Variants in PKHD1L1 observed in about 807,000 individuals in gnomAD.
The protein encoded by PKHD1L1 is fibrocystin-L.
Under a neutral mutation model 462.9 loss-of-function variants are expected in PKHD1L1, and 434 were observed. That is an observed-to-expected ratio of 0.94 (90% CI 0.87 to 1.02). The LOEUF (loss-of-function observed/expected upper bound fraction) is 1.02. Ranked by LOEUF, PKHD1L1 falls within the 50% of genes least tolerant of loss-of-function variation. PKHD1L1 has a pLI of 0.00. For synonymous variants in PKHD1L1, 1,781 were observed against 1,750.0 expected (o/e 1.02, Z -0.44); for missense variants, 5,202 against 5,096.1 (o/e 1.02, Z -0.63).
rs977739875 is a variant in PKHD1L1, at chr8:109,365,849, C to T, written c.163+1213C>T. On this transcript the variant is annotated intron_variant, in intron 2 of 77. Transcript: ENST00000378402. ...ATTAGCTGGGCATGGTGGCGCGCGC[C>T]TGTAGTCTCAGCTACCCAGGAGCCT... is the stretch of plus-strand genomic sequence containing the variant. Among the ~76,000 whole-genome samples, 3 of 152,288 alleles carry T rather than the reference C, an allele frequency of 2.0e-5. No individual in the cohort carries two copies. The South Asian group carries it at 6.2e-4, about 32-fold the overall frequency.
chr8:109,375,901 G>C (rs1179848605), intron 2 of PKHD1L1, among the ~76,000 whole-genome samples: 3 of 152,220 alleles, frequency 2.0e-5, no homozygotes, highest in African/African-American at 7.2e-5. Context: ...TGAGGTGTCA[G>C]TCCGCCCCTA....
rs763275975 is a variant in PKHD1L1, at chr8:109,371,684, G to C, written c.163+7048G>C. Among the ~76,000 whole-genome samples the C allele has an allele frequency of 9.5e-4, 119 of 125,738 alleles. 9 individuals carry two copies. In the Admixed American group the frequency reaches 1.0e-2, roughly 11 times the overall value. The allele number at this position is 125,738 out of a possible 152,430, so 82.5% of individuals were successfully genotyped here. On this transcript the variant is annotated intron_variant, in intron 2 of 77. Transcript: ENST00000378402. ...TCCATCTTGAATTAATTTTTGATAA[G>C]GTGTAAGGAAGGGATCCAGTTTCAG...
At chr8:109,523,202 T>A in intron 75 of PKHD1L1, 31 bp from the exon 76 acceptor site, 4 of 1,536,086 alleles carry the variant, frequency 2.6e-6, no homozygotes, top group Non-Finnish European at 3.5e-6. Context: ...AGGACAATTG[T>A]TATAATTATC....
Position 109,375,321 on chromosome 8 carries a change from G to A in PKHD1L1, c.164-6049G>A, listed in dbSNP as rs541899173. On this transcript the variant is annotated intron_variant, in intron 2 of 77. Coordinates refer to ENST00000378402, the MANE Select transcript of PKHD1L1 (RefSeq NM_177531.6). ...CTACTGAGGCTTGTGCATTTGTCAC[G>A]TAGTTCTTGTGCCATGGTTTTCAGC... Among the ~76,000 whole-genome samples, 76 of 152,276 alleles carry A rather than the reference G, an allele frequency of 5.0e-4. 1 individual carries two copies. Among genetic ancestry groups the A allele is most frequent in the Middle Eastern group, 6.8e-3 (2 of 294 alleles).
At chr8:109,522,719 C>A in intron 74 of PKHD1L1, 25 bp from the exon 75 acceptor site, 1 of 1,579,128 alleles carries the variant, frequency 6.3e-7, no homozygotes, top group South Asian at 1.2e-5. Context: ...ATGAAGAAAC[C>A]AGTTCATCCC....
intron 50 of PKHD1L1, 59 bp downstream of exon 50, chr8:109,466,828 C>G: frequency 6.9e-7 from 1 of 1,445,814 alleles, no homozygotes; most frequent in Non-Finnish European, 9.3e-7. Flanking sequence ...AAACTTTTGT[C>G]ATCATCTTCT....
rs1408567076 is a variant in PKHD1L1 at position 109,383,449 on chromosome 8, A to AT, written c.418-621_418-620insT. Among the ~76,000 whole-genome samples, 72 of 125,492 alleles carry AT rather than the reference A, an allele frequency of 5.7e-4. 1 individual carries two copies. In the South Asian group the frequency reaches 0.016, roughly 28 times the overall value. The allele number at this position is 125,492 out of a possible 152,430, so 82.3% of individuals were successfully genotyped here. A position where few individuals can be genotyped will look rare whatever the true frequency, so the allele number is the denominator to read the frequency against. Reference sequence around the variant, plus strand: ...AATATATAATATATAAATATATTATAAGTATATATAATATATAAATATATA... The same window carrying AT: ...AATATATAATATATAAATATATTATATAGTATATATAATATATAAATATATA... On this transcript the variant is annotated intron_variant, in intron 4 of 77. Transcript: ENST00000378402.
chr8:109,493,980 C>T (rs1475326386), intron 63 of PKHD1L1, among the ~76,000 whole-genome samples: 2 of 151,822 alleles, frequency 1.3e-5, no homozygotes, highest in Admixed American at 6.6e-5. Flanking sequence ...AAAACTCCAA[C>T]GACAACTTGA....
chr8:109,422,108 T>G (rs577517158), intron 23 of PKHD1L1, among the ~76,000 whole-genome samples: 6 of 152,354 alleles, frequency 3.9e-5, no homozygotes, highest in African/African-American at 1.4e-4. Context: ...TATTTTTATA[T>G]CCTTTACCCA....
intron 21 of PKHD1L1, among the ~76,000 whole-genome samples, chr8:109,414,852 T>G (rs1024083280): frequency 8.6e-5 from 13 of 151,006 alleles, no homozygotes; most frequent in Non-Finnish European, 1.9e-4. Flanking sequence ...GAGAGTAGAG[T>G]AGTTAGATGG....
chr8:109,448,027 A>G (rs758703253), intron 38 of PKHD1L1, 116 bp from the exon 39 acceptor site: 1 of 888,696 alleles, frequency 1.1e-6, no homozygotes, highest in East Asian at 2.6e-5. Flanking sequence ...TAATATTTAT[A>G]TTAGTTTTAA....
intron 9 of PKHD1L1, among the ~76,000 whole-genome samples, chr8:109,391,731 A>G (rs1313553446): frequency 6.6e-6 from 1 of 152,216 alleles, no homozygotes; most frequent in Non-Finnish European, 1.5e-5. Context: ...AAATGGCAAT[A>G]TTACAATCTA....
At chr8:109,467,263 A>C (rs1817493114) in intron 50 of PKHD1L1, among the ~76,000 whole-genome samples, 2 of 152,146 alleles carry the variant, frequency 1.3e-5, no homozygotes, top group African/African-American at 4.8e-5. Context: ...GTCATTGTTC[A>C]TAATCCATCT....
At chr8:109,521,265 T>C (rs2844261) in intron 73 of PKHD1L1, among the ~76,000 whole-genome samples, 36,056 of 152,046 alleles carry the variant, frequency 0.24, 4,972 homozygotes, top group African/African-American at 0.34. Flanking sequence ...ACTCAGTGAT[T>C]TGATTCCTCA....
intron 28 of PKHD1L1, among the ~76,000 whole-genome samples, chr8:109,434,345 T>A (rs1815274411): frequency 6.6e-6 from 1 of 151,432 alleles, no homozygotes; most frequent in Non-Finnish European, 1.5e-5. Context: ...TTTTCATACA[T>A]ACATCTCTGC....
At chr8:109,419,316 G>T in intron 22 of PKHD1L1, 56 bp downstream of exon 22, 2 of 1,370,018 alleles carry the variant, frequency 1.5e-6, no homozygotes, top group Admixed American at 2.6e-5. Context: ...ATCTTACCAT[G>T]GAAATTATTT....
chr8:109,369,036 A>G (rs988691974), intron 2 of PKHD1L1, among the ~76,000 whole-genome samples: 4 of 151,754 alleles, frequency 2.6e-5, no homozygotes, highest in Admixed American at 1.3e-4. Flanking sequence ...CTGGAGGGCA[A>G]TGGCACGATC....
In PKHD1L1 at chr8:109,412,359, A is replaced by T; in HGVS notation, c.2180A>T (p.Asp727Val). 1 of 1,613,718 alleles carries T rather than the reference A, an allele frequency of 6.2e-7. No individual in the cohort carries two copies. The highest frequency in any genetic ancestry group is 1.1e-5 in the South Asian group (1 of 91,058). Residue 727 changes from aspartate to valine, a missense_variant, in exon 20 of 78, where the codon GAT becomes GTT. Transcript: ENST00000378402. ...CCAGCTGTTCTTTTTGACTCAGCAG[A>T]TGTTAAACCAAACAGACGACCATAT... is the stretch of plus-strand genomic sequence containing the variant. Reference protein sequence around the residue: ...KNPAVLFDSADVKPNRRPYGD... With the variant: ...KNPAVLFDSAVVKPNRRPYGD...
chr8:109,401,407 A>C, intron 13 of PKHD1L1, 90 bp from the exon 14 acceptor site: 1 of 736,716 alleles, frequency 1.4e-6, no homozygotes, highest in Non-Finnish European at 2.2e-6. Flanking sequence ...AAACTTCTAA[A>C]ACTGAAATAA....
Sources: allele counts gnomAD v4.1 joint callset (sites outside exome capture counted in the v4.1 genomes callset), GRCh38; gene constraint gnomAD v4.1.1; transcripts MANE v1.5; gene names NCBI Gene and HGNC (gene_info 2026-07-23, HGNC 2026-07-21).